Variants in MTUS1 observed in about 807,000 individuals in gnomAD.
MTUS1 encodes the protein microtubule-associated tumor suppressor 1.
Under a neutral mutation model 120.8 loss-of-function variants are expected in MTUS1, and 109 were observed. The ratio of observed to expected loss-of-function variants is 0.90; its 90% confidence interval spans 0.77 to 1.06. The LOEUF (loss-of-function observed/expected upper bound fraction) is 1.06. MTUS1 is among the 50% of genes least tolerant of loss of function. The pLI, the probability that MTUS1 is intolerant of heterozygous loss-of-function variation, is 0.00. For synonymous variants in MTUS1, 737 were observed against 550.5 expected (o/e 1.34, Z -4.74); for missense variants, 2,210 against 1,486.3 (o/e 1.49, Z -8.01).
At chr8:17,676,162 G>C (rs1246082700) in intron 7 of MTUS1, 5 of 677,924 alleles carry the variant, frequency 7.4e-6, no homozygotes, top group Non-Finnish European at 1.3e-5. Flanking sequence ...ATGAGACCCG[G>C]CCTTTGCAGG....
intron 8 of MTUS1, among the ~76,000 whole-genome samples, chr8:17,658,450 C>G (rs945834373): frequency 6.6e-6 from 1 of 152,088 alleles, no homozygotes; most frequent in African/African-American, 2.4e-5. Flanking sequence ...TACAATAAAT[C>G]CTAGAAAATC....
At chr8:17,656,184 T>G (rs1292727947) in intron 8 of MTUS1, 119 bp from the exon 9 acceptor site, 8 of 862,728 alleles carry the variant, frequency 9.3e-6, no homozygotes, top group African/African-American at 5.1e-5. Context: ...ATGTCTTGGG[T>G]CTCTAGTGAC....
intron 6 of MTUS1, among the ~76,000 whole-genome samples, chr8:17,700,169 G>C (rs1215950421): frequency 1.3e-5 from 2 of 152,072 alleles, no homozygotes; most frequent in Non-Finnish European, 2.9e-5. Flanking sequence ...AGTTAGCTAT[G>C]AGTCTTTATG....
At chr8:17,699,452 T>A (rs1818602745) in intron 6 of MTUS1, among the ~76,000 whole-genome samples, 1 of 152,044 alleles carries the variant, frequency 6.6e-6, no homozygotes, top group African/African-American at 2.4e-5. Flanking sequence ...TGACCTCAGG[T>A]GATCCACACA....
intron 8 of MTUS1, among the ~76,000 whole-genome samples, chr8:17,661,990 C>T (rs903547755): frequency 6.6e-6 from 1 of 152,034 alleles, no homozygotes; most frequent in African/African-American, 2.4e-5. Context: ...AAAGGATGCA[C>T]ATGTAAACGC....
intron 2 of MTUS1, among the ~76,000 whole-genome samples, chr8:17,744,049 G>C (rs757486603): frequency 6.6e-6 from 1 of 152,128 alleles, no homozygotes; most frequent in Admixed American, 6.5e-5. Context: ...ATAGCAAAAA[G>C]ACACTAAATT....
intron 1 of MTUS1, among the ~76,000 whole-genome samples, chr8:17,797,169 T>G (rs915994389): frequency 1.3e-5 from 2 of 152,030 alleles, no homozygotes; most frequent in Non-Finnish European, 2.9e-5. Flanking sequence ...CCTAGCACTC[T>G]GGGAGGCTGA....
At chr8:17,732,927 C>T (rs891227061) in intron 3 of MTUS1, among the ~76,000 whole-genome samples, 3 of 152,156 alleles carry the variant, frequency 2.0e-5, no homozygotes, top group Admixed American at 2.0e-4. Context: ...CAGCGACCCC[C>T]GCAAGCTGAT....
intron 8 of MTUS1, among the ~76,000 whole-genome samples, chr8:17,665,034 T>G (rs561388253): frequency 6.6e-6 from 1 of 152,152 alleles, no homozygotes; most frequent in East Asian, 1.9e-4. Flanking sequence ...ACAGTATAGA[T>G]TGGTGATAGT....
intron 3 of MTUS1, among the ~76,000 whole-genome samples, chr8:17,732,830 G>C (rs1338172503): frequency 6.6e-6 from 1 of 151,884 alleles, no homozygotes; most frequent in Non-Finnish European, 1.5e-5. Flanking sequence ...AACCTCACTG[G>C]CTTTACCTTC....
intron 1 of MTUS1, among the ~76,000 whole-genome samples, chr8:17,769,764 C>T (rs1030335651): frequency 6.6e-6 from 1 of 152,068 alleles, no homozygotes; most frequent in African/African-American, 2.4e-5. Context: ...CAATCCTCAT[C>T]TCTTGCTGTG....
intron 3 of MTUS1, among the ~76,000 whole-genome samples, chr8:17,733,302 G>T (rs2046716413): frequency 6.6e-6 from 1 of 151,114 alleles, no homozygotes; most frequent in African/African-American, 2.4e-5. Context: ...AGTGAGCCAA[G>T]ATCATGCCAT....
chr8:17,723,521 T>C (rs1029472629), intron 4 of MTUS1, 151 bp downstream of exon 4: 9 of 771,302 alleles, frequency 1.2e-5, no homozygotes, highest in Admixed American at 8.7e-5. Context: ...GAATTTTTTT[T>C]CTGCCAAACT....
chr8:17,761,420 T>C (rs1270090185), intron 1 of MTUS1, among the ~76,000 whole-genome samples: 1 of 152,196 alleles, frequency 6.6e-6, no homozygotes, highest in Non-Finnish European at 1.5e-5. Context: ...AAAGATCCAA[T>C]TCAAACTTCA....
chr8:17,755,029 A>G lies in MTUS1; in HGVS notation c.779T>C (p.Ile260Thr), dbSNP rs777872644. 1.3e-5 allele frequency: 21 copies of G among 1,613,848 alleles called. No individual in the cohort carries two copies. The highest frequency in any genetic ancestry group is 9.9e-5 in the South Asian group (9 of 91,086). Reference protein sequence around the residue: ...VMQSEVFVSDIGNQCACSSGK... With the variant: ...VMQSEVFVSDTGNQCACSSGK... ...TGAAGAACATGCACACTGATTTCCA[A>G]TATCTGAAACAAAAACCTCACTTTG... is the stretch of plus-strand genomic sequence containing the variant. Residue 260 changes from isoleucine (I) to threonine (T), a missense_variant, in exon 2 of 15, where the codon ATT becomes ACT. Transcript: ENST00000693296.
intron 3 of MTUS1, among the ~76,000 whole-genome samples, chr8:17,730,829 C>A (rs1406267673): frequency 2.0e-5 from 3 of 151,968 alleles, no homozygotes; most frequent in African/African-American, 4.8e-5. Flanking sequence ...AGACGGAGAA[C>A]TGGGGGTTAG....
chr8:17,694,044 T>C (rs540352975), intron 6 of MTUS1, among the ~76,000 whole-genome samples: 8 of 152,372 alleles, frequency 5.3e-5, no homozygotes, highest in African/African-American at 7.2e-5. Context: ...TTTTGACTTA[T>C]TATACAAAAG....
At chr8:17,787,063 T>A (rs535295155) in intron 1 of MTUS1, among the ~76,000 whole-genome samples, 3 of 152,302 alleles carry the variant, frequency 2.0e-5, no homozygotes, top group African/African-American at 7.2e-5. Context: ...CAGGACATCA[T>A]AAGGGCTGGT....
intron 7 of MTUS1, among the ~76,000 whole-genome samples, chr8:17,680,983 G>A (rs925493394): frequency 6.6e-6 from 1 of 151,988 alleles, no homozygotes; most frequent in Non-Finnish European, 1.5e-5. Context: ...GCCCAGGATG[G>A]AGTGTAGTGG....
Sources: gnomAD v4.1 joint callset for allele counts (sites outside exome capture counted in the v4.1 genomes callset) on GRCh38, gnomAD v4.1.1 for gene constraint, MANE v1.5 for transcripts, NCBI Gene and HGNC (gene_info 2026-07-23, HGNC 2026-07-21) for gene names.